The following DUSP22 variants were observed in gnomAD, a reference collection of about 807,000 sequenced individuals.
DUSP22 encodes dual specificity protein phosphatase 22.
Under a neutral mutation model 24.5 loss-of-function variants are expected in DUSP22, and 24 were observed. The ratio of observed to expected loss-of-function variants is 0.98; its 90% CI spans 0.71 to 1.38. The LOEUF (loss-of-function observed/expected upper bound fraction) is 1.38, where lower values mean the gene tolerates loss of function less well. DUSP22 is among the 40% of genes most tolerant of loss of function. The pLI, the probability that DUSP22 is intolerant of heterozygous loss-of-function variation, is 0.00. For synonymous variants in DUSP22, 160 were observed against 106.4 expected (o/e 1.50, Z -3.10); for missense variants, 330 against 269.2 (o/e 1.23, Z -1.58).
intron 1 of DUSP22, among the ~76,000 whole-genome samples, chr6:296,638 A>G (rs569338607): frequency 3.9e-5 from 6 of 152,410 alleles, no homozygotes; most frequent in Admixed American, 6.5e-5. Flanking sequence ...CAAAACTCCT[A>G]TCCTCACTGT....
intron 4 of DUSP22, among the ~76,000 whole-genome samples, chr6:344,373 C>T (rs1027640025): frequency 6.6e-6 from 1 of 152,294 alleles, no homozygotes; most frequent in Non-Finnish European, 1.5e-5. Flanking sequence ...GCAGCCTTAA[C>T]CTCCTGGGCT....
At chr6:316,495 T>C (rs1189877484) in intron 3 of DUSP22, among the ~76,000 whole-genome samples, 1 of 152,304 alleles carries the variant, frequency 6.6e-6, no homozygotes, top group Non-Finnish European at 1.5e-5. Flanking sequence ...GGGAGCGGTG[T>C]CTTCAGCGTC....
chr6:348,325 G>T, intron 6 of DUSP22, 51 bp downstream of exon 6: 1 of 1,608,200 alleles, frequency 6.2e-7, no homozygotes, highest in Admixed American at 1.7e-5. Flanking sequence ...CCCCTGAACG[G>T]TGCCCACAGT....
rs1244854345 is a variant in DUSP22, at chr6:349,539, C to T, written c.*588C>T. On this transcript the variant is annotated 3_prime_UTR_variant, in exon 7 of 7. Transcript: ENST00000419235. ...AGGGGACGAGTGGCTAAGAGCATGG[C>T]CTCTCCCAGAACCCACCCAGGGTGG... is the stretch of plus-strand genomic sequence containing the variant. The T allele has an allele frequency of 1.2e-5, 12 of 991,186 alleles. No homozygotes were observed. The highest frequency in any genetic ancestry group is 1.1e-4 in the East Asian group (1 of 8,932). 61.4% of individuals were successfully genotyped at this position (991,186 alleles called of 1,614,324 possible). A position where few individuals can be genotyped will look rare whatever the true frequency, so the allele number is the denominator to read the frequency against.
chr6:310,991 G>A lies in DUSP22; in HGVS notation c.56-889G>A, dbSNP rs984485725. On this transcript the variant is annotated intron_variant, in intron 2 of 6. Coordinates refer to ENST00000419235, the MANE Select transcript of DUSP22 (RefSeq NM_001286555.3). ...TTTATTTGGGCCAAGCTTGAGGACT[G>A]TAGCCTGAAACACACTTTCAGGTTG... Among the ~76,000 whole-genome samples, 8 of 152,418 alleles carry A rather than the reference G, an allele frequency of 5.2e-5. No individual in the cohort carries two copies. In the East Asian group the frequency reaches 1.2e-3, roughly 22 times the overall value.
At chr6:339,669 T>C (rs1431441567) in intron 4 of DUSP22, among the ~76,000 whole-genome samples, 1 of 152,300 alleles carries the variant, frequency 6.6e-6, no homozygotes, top group Non-Finnish European at 1.5e-5. Flanking sequence ...AGCAGGTCTG[T>C]AAATTTCTTG....
At chr6:308,658 T>C (rs1757934654) in intron 2 of DUSP22, among the ~76,000 whole-genome samples, 1 of 152,310 alleles carries the variant, frequency 6.6e-6, no homozygotes, top group Non-Finnish European at 1.5e-5. Context: ...TCACTCTGTA[T>C]TATCAAAGCA....
chr6:349,156 T>C lies in DUSP22; in HGVS notation c.*205T>C. On this transcript the variant is annotated 3_prime_UTR_variant, in exon 7 of 7. Transcript: ENST00000419235. ...ACCCCTACCCTGGCTGCACCTGAGC[T>C]TGCTGCCCCTGGGGATGTTGCCCAG... is the stretch of plus-strand genomic sequence containing the variant. The C allele has an allele frequency of 7.0e-7, 1 of 1,434,312 alleles. No homozygotes were observed. The highest frequency in any genetic ancestry group is 9.1e-7 in the Non-Finnish European group (1 of 1,100,080). 88.8% of individuals were successfully genotyped at this position (1,434,312 alleles called of 1,614,324 possible).
At chr6:341,279 T>C (rs966275545) in intron 4 of DUSP22, among the ~76,000 whole-genome samples, 3 of 152,418 alleles carry the variant, frequency 2.0e-5, no homozygotes, top group Middle Eastern at 3.4e-3. Flanking sequence ...GAACTGCCGA[T>C]GAAACGGAGA....
chr6:340,966 G>A (rs1421768482), intron 4 of DUSP22, among the ~76,000 whole-genome samples: 7 of 152,132 alleles, frequency 4.6e-5, no homozygotes, highest in African/African-American at 7.3e-5. Flanking sequence ...TCTGAAGGTC[G>A]GTAGAGCCCA....
intron 2 of DUSP22, among the ~76,000 whole-genome samples, chr6:311,539 G>A (rs1758092551): frequency 6.6e-6 from 1 of 152,424 alleles, no homozygotes; most frequent in Non-Finnish European, 1.5e-5. Context: ...AATTAGCCGG[G>A]CGTGGTGGCG....
At chr6:311,355 A>G (rs1383672263) in intron 2 of DUSP22, among the ~76,000 whole-genome samples, 2 of 152,300 alleles carry the variant, frequency 1.3e-5, no homozygotes, top group East Asian at 1.9e-4. Context: ...TTTCTTTCTC[A>G]CTCTGGGTCA....
intron 2 of DUSP22, among the ~76,000 whole-genome samples, chr6:307,964 A>G (rs1271739204): frequency 4.6e-5 from 7 of 152,300 alleles, no homozygotes; most frequent in Non-Finnish European, 8.8e-5. Flanking sequence ...TATTTTTTCC[A>G]CATGAATTCT....
At chr6:304,533 C>G in intron 1 of DUSP22, 95 bp from the exon 2 acceptor site, 2 of 1,580,420 alleles carry the variant, frequency 1.3e-6, no homozygotes, top group Non-Finnish European at 1.7e-6. Context: ...AGCACCTGGC[C>G]TTTGCAGGGA....
intron 1 of DUSP22, among the ~76,000 whole-genome samples, chr6:300,974 G>T (rs929647328): frequency 7.9e-5 from 12 of 152,306 alleles, no homozygotes; most frequent in Non-Finnish European, 1.8e-4. Flanking sequence ...GACACTGAAT[G>T]TGCCACCAGC....
chr6:324,423 G>T (rs1327580143), intron 3 of DUSP22, among the ~76,000 whole-genome samples: 3 of 152,304 alleles, frequency 2.0e-5, no homozygotes, highest in Admixed American at 6.5e-5. Context: ...AGTGAGTGCC[G>T]CGGAGCACAG....
At position 349,297 on chromosome 6, in the gene DUSP22, A is replaced by G; in HGVS notation, c.*346A>G. 3 of 1,216,098 alleles carry G rather than the reference A, an allele frequency of 2.5e-6. No homozygotes were observed. Among genetic ancestry groups the G allele is most frequent in the Admixed American group, 4.0e-5 (1 of 25,024 alleles). 75.3% of individuals were successfully genotyped at this position (1,216,098 alleles called of 1,614,324 possible). A position where few individuals can be genotyped will look rare whatever the true frequency, so the allele number is the denominator to read the frequency against. ...AGGGTATGTGCACCTAAGTGTGTACATGTGTGTATGTTGTGAAAGTGTCTG... is the reference window on the plus strand; with the variant it reads ...AGGGTATGTGCACCTAAGTGTGTACGTGTGTGTATGTTGTGAAAGTGTCTG... On this transcript the variant is annotated 3_prime_UTR_variant, in exon 7 of 7. Coordinates refer to ENST00000419235, the MANE Select transcript of DUSP22 (RefSeq NM_001286555.3).
intron 3 of DUSP22, among the ~76,000 whole-genome samples, chr6:318,574 C>A (rs1581164148): frequency 5.9e-5 from 9 of 152,076 alleles, no homozygotes; most frequent in African/African-American, 2.2e-4. Flanking sequence ...CTCTCAGGAC[C>A]CCAGGGCCTT....
intron 3 of DUSP22, among the ~76,000 whole-genome samples, chr6:315,443 G>T (rs1162464748): frequency 1.3e-5 from 2 of 152,306 alleles, no homozygotes; most frequent in Non-Finnish European, 2.9e-5. Context: ...TTGATGGGAA[G>T]CCGGGACTCC....
Sources: allele counts gnomAD v4.1 joint callset (sites outside exome capture counted in the v4.1 genomes callset), GRCh38; gene constraint gnomAD v4.1.1; transcripts MANE v1.5; gene names NCBI Gene and HGNC (gene_info 2026-07-23, HGNC 2026-07-21).